The following CDIP1 variants were observed in gnomAD, a reference collection of about 807,000 sequenced individuals.
The protein encoded by CDIP1 is cell death-inducing p53-target protein 1.
A neutral mutation model predicts 17.7 loss-of-function variants in CDIP1; 9 were observed. That is an observed-to-expected ratio of 0.51 (90% CI 0.31 to 0.89). The LOEUF (loss-of-function observed/expected upper bound fraction) is 0.89. Ranked by LOEUF, CDIP1 falls within the 40% of genes least tolerant of loss-of-function variation. CDIP1 has a pLI of 0.05. For missense variants in CDIP1, 263 were observed against 277.9 expected, an observed-to-expected ratio of 0.95 and a Z score of 0.38; for synonymous variants, 117 against 109.5, an observed-to-expected ratio of 1.07 and a Z score of -0.43.
chr16:4,521,201 C>T (rs766614255), intron 1 of CDIP1, among the ~76,000 whole-genome samples: 9 of 152,080 alleles, frequency 5.9e-5, no homozygotes, highest in Non-Finnish European at 1.2e-4. Flanking sequence ...AGCTTGTTTC[C>T]GCACTGCTCC....
intron 1 of CDIP1, chr16:4,524,084 TC>T (rs1212610088): frequency 1.3e-5 from 2 of 152,330 alleles, no homozygotes; most frequent in Admixed American, 6.5e-5. Context: ...AGCACAGGTC[TC>T]CCTGGGACCC....
chr16:4,532,437 A>G (rs1626638), intron 1 of CDIP1: 147,651 of 152,500 alleles, frequency 0.97, 71,655 homozygotes, highest in East Asian at 1. Context: ...AGTGGTTGCC[A>G]CAGGGCTGCA....
At chr16:4,519,420 C>T (rs1461830626) in intron 1 of CDIP1, among the ~76,000 whole-genome samples, 1 of 152,216 alleles carries the variant, frequency 6.6e-6, no homozygotes, top group Admixed American at 6.5e-5. Context: ...TTCTGATCAT[C>T]GCAATTCCTA....
intron 1 of CDIP1, among the ~76,000 whole-genome samples, chr16:4,520,747 G>C: frequency 6.6e-6 from 1 of 152,112 alleles, no homozygotes; most frequent in African/African-American, 2.4e-5. Flanking sequence ...AACAAATATA[G>C]AAACAGCAAC....
intron 1 of CDIP1, among the ~76,000 whole-genome samples, chr16:4,517,344 C>T (rs1310115745): frequency 2.0e-5 from 3 of 152,130 alleles, no homozygotes; most frequent in African/African-American, 4.8e-5. Flanking sequence ...GACATGGAGG[C>T]CTAGAAAAGG....
chr16:4,521,306 A>C (rs2058945535), intron 1 of CDIP1, among the ~76,000 whole-genome samples: 1 of 152,130 alleles, frequency 6.6e-6, no homozygotes, highest in Non-Finnish European at 1.5e-5. Context: ...TAGCCCCCCG[A>C]GTGGTCTCAG....
Position 4,513,695 on chromosome 16 carries a change from C to G in CDIP1, c.241+1G>C. The G allele has an allele frequency of 6.2e-7, 1 of 1,613,094 alleles. No homozygotes were observed. Among genetic ancestry groups the G allele is most frequent in the Non-Finnish European group, 8.5e-7 (1 of 1,179,462 alleles). On this transcript the variant is annotated splice_donor_variant, in intron 4 of 5. Transcript: ENST00000567695. LOFTEE classifies it high-confidence loss of function. This position sits in a 1 kb window ranked among gnomAD's most constrained non-coding sequence, Gnocchi z 4.1. ...TCCCCTCAGATCCCTTCCCCACTCA[C>G]CCGGAGGCATGTAGGTGCCATCTGC...
chr16:4,517,210 TATTA>T lies in CDIP1; in HGVS notation c.-104-2550_-104-2547del, dbSNP rs1460846930. Among the ~76,000 whole-genome samples the T allele has an allele frequency of 5.9e-5, 9 of 152,242 alleles. No homozygotes were observed. In the South Asian group the frequency reaches 6.2e-4, roughly 10 times the overall value. On this transcript the variant is annotated intron_variant, in intron 1 of 5. Coordinates refer to ENST00000567695, the MANE Select transcript of CDIP1 (RefSeq NM_013399.3). ...AAGGATGCCAATTTATAGTGCCAGTTATTAATTTTCATATTAAAATGTCACTTAT... is the reference window on the plus strand; with the variant it reads ...AAGGATGCCAATTTATAGTGCCAGTTATTTTCATATTAAAATGTCACTTAT...
In CDIP1 at chr16:4,513,760, G is replaced by A. The variant is rs2058858325; in HGVS notation, c.177C>T (p.His59=). 2.5e-6 allele frequency: 4 copies of A among 1,613,014 alleles called. No homozygotes were observed. The highest frequency in any genetic ancestry group is 2.5e-6 in the Non-Finnish European group (3 of 1,179,256). Residue 59 remains histidine, a synonymous_variant, in exon 4 of 6, where the codon CAC becomes CAT. Transcript: ENST00000567695. This position sits in a 1 kb window ranked among gnomAD's most constrained non-coding sequence, Gnocchi z 4.1. ...IGPPPYEPPG[H]PMPQPGFIPP... ...GGATGAAGCCAGGCTGGGGCATTGG[G>A]TGACCCGGCGGCTCATAGGGTGGGG...
chr16:4,533,982 ACT>A (rs2059080627), intron 1 of CDIP1, among the ~76,000 whole-genome samples: 1 of 150,460 alleles, frequency 6.6e-6, no homozygotes, highest in Non-Finnish European at 1.5e-5. Context: ...AAACAGTCTC[ACT>A]CTGTCACCCA....
intron 1 of CDIP1, among the ~76,000 whole-genome samples, chr16:4,520,434 C>T (rs1250268548): frequency 6.6e-6 from 1 of 152,068 alleles, no homozygotes; most frequent in Admixed American, 6.6e-5. Context: ...GGTTAGTTGC[C>T]ACAGGAATTG....
chr16:4,524,611 G>C (rs926858897), intron 1 of CDIP1, among the ~76,000 whole-genome samples: 1 of 152,194 alleles, frequency 6.6e-6, no homozygotes, highest in Non-Finnish European at 1.5e-5. Context: ...CCACCTGGAA[G>C]ATAGATGCCA....
At chr16:4,533,432 T>A (rs1406231061) in intron 1 of CDIP1, 1 of 152,312 alleles carries the variant, frequency 6.6e-6, no homozygotes, top group East Asian at 1.9e-4. Flanking sequence ...TGGCTGCTGC[T>A]CTAGGCAGGA....
chr16:4,525,701 C>G (rs1017996139), intron 1 of CDIP1, among the ~76,000 whole-genome samples: 2 of 152,200 alleles, frequency 1.3e-5, no homozygotes, highest in Non-Finnish European at 2.9e-5. Flanking sequence ...GGAGGCCCTC[C>G]ACAAAGGTCC....
At chr16:4,527,838 T>TG in intron 1 of CDIP1, among the ~76,000 whole-genome samples, 1 of 152,298 alleles carries the variant, frequency 6.6e-6, no homozygotes. Context: ...TTTTTTGAGA[T>TG]GGAGTCTCGC....
chr16:4,536,045 G>A (rs942663116), intron 1 of CDIP1, among the ~76,000 whole-genome samples: 3 of 152,164 alleles, frequency 2.0e-5, no homozygotes, highest in Admixed American at 1.3e-4. Context: ...CCCATGGAGC[G>A]CCAAGGTCCT....
At position 4,513,213 on chromosome 16, in the gene CDIP1, G is replaced by A; in HGVS notation, c.242-149C>T. 3 of 823,754 alleles carry A rather than the reference G, an allele frequency of 3.6e-6. No individual in the cohort carries two copies. The South Asian group carries it at 5.5e-5, about 15-fold the overall frequency. The allele number at this position is 823,754 out of a possible 1,614,324, so 51.0% of individuals were successfully genotyped here. A position where few individuals can be genotyped will look rare whatever the true frequency, so the allele number is the denominator to read the frequency against. On this transcript the variant is annotated intron_variant, in intron 4 of 5. Coordinates refer to ENST00000567695, the MANE Select transcript of CDIP1 (RefSeq NM_013399.3). The surrounding 1 kb of genome is among the most constrained non-coding windows in gnomAD (Gnocchi z 4.1). ...TACCGCCCTCCTAACGGGCCAGTGGGAGGCCTTACAGCTGGGGCCCTAAGT... is the reference window on the plus strand; with the variant it reads ...TACCGCCCTCCTAACGGGCCAGTGGAAGGCCTTACAGCTGGGGCCCTAAGT...
At chr16:4,529,803 A>G (rs1450204292) in intron 1 of CDIP1, among the ~76,000 whole-genome samples, 1 of 152,168 alleles carries the variant, frequency 6.6e-6, no homozygotes, top group Non-Finnish European at 1.5e-5. Flanking sequence ...ACCTACAAAA[A>G]AGCACCAGGC....
intron 1 of CDIP1, among the ~76,000 whole-genome samples, chr16:4,530,785 G>T (rs1293289607): frequency 6.6e-6 from 1 of 152,086 alleles, no homozygotes; most frequent in Non-Finnish European, 1.5e-5. Context: ...AAGCTGCAGT[G>T]AACTGAGTGC....
Sources: allele counts gnomAD v4.1 joint callset (sites outside exome capture counted in the v4.1 genomes callset), GRCh38; gene constraint gnomAD v4.1.1; non-coding constraint Gnocchi (gnomAD v3.1); transcripts MANE v1.5; gene names NCBI Gene and HGNC (gene_info 2026-07-23, HGNC 2026-07-21).